The following FOXJ3 variants were observed in gnomAD, a reference collection of about 807,000 sequenced individuals.
FOXJ3 encodes the protein forkhead box J3.
Under a neutral mutation model 76.1 loss-of-function variants are expected in FOXJ3, and 22 were observed. The ratio of observed to expected loss-of-function variants is 0.29; its 90% CI spans 0.21 to 0.41. FOXJ3 has a LOEUF of 0.41. Among genes scored for constraint, FOXJ3 ranks in the 10% least tolerant of loss-of-function variants. The pLI is 1.00. For synonymous variants in FOXJ3, 269 were observed against 261.2 expected (o/e 1.03, Z -0.29); for missense variants, 613 against 762.1 (o/e 0.80, Z 2.30).
chr1:42,232,133 AT>A (rs897733124), intron 4 of FOXJ3, among the ~76,000 whole-genome samples: 3 of 152,068 alleles, frequency 2.0e-5, no homozygotes, highest in Non-Finnish European at 4.4e-5. Context: ...TGAACTCATC[AT>A]TTTTATGGCT....
Position 42,335,133 on chromosome 1 carries a change from T to G in FOXJ3, c.-92A>C, listed in dbSNP as rs1274741376. 1 of 150,710 alleles carries G rather than the reference T, an allele frequency of 6.6e-6. No individual in the cohort carries two copies. The highest frequency in any genetic ancestry group is 2.4e-5 in the African/African-American group (1 of 40,850). 9.3% of individuals were successfully genotyped at this position (150,710 alleles called of 1,614,324 possible). On this transcript the variant is annotated 5_prime_UTR_variant, in exon 1 of 13. Coordinates refer to ENST00000361346, the MANE Select transcript of FOXJ3 (RefSeq NM_014947.5). ...TGCGTCTCCGCCCCCCCGGGAAAGGTCCCAACGGTGCCTACTGCGAGCGGT... is the reference window on the plus strand; with the variant it reads ...TGCGTCTCCGCCCCCCCGGGAAAGGGCCCAACGGTGCCTACTGCGAGCGGT...
At chr1:42,200,264 T>C (rs1042661632) in intron 6 of FOXJ3, among the ~76,000 whole-genome samples, 2 of 152,158 alleles carry the variant, frequency 1.3e-5, no homozygotes, top group Non-Finnish European at 2.9e-5. Flanking sequence ...TCACTACTGA[T>C]TGGTTTTCCT....
intron 5 of FOXJ3, among the ~76,000 whole-genome samples, chr1:42,206,934 G>A (rs1243843316): frequency 2.0e-5 from 3 of 151,900 alleles, no homozygotes. Flanking sequence ...ATGCTCAAGC[G>A]ATTCTCTTGC....
At position 42,212,901 on chromosome 1, in the gene FOXJ3, C is replaced by T. The variant is rs78911108; in HGVS notation, c.529-7038G>A. On this transcript the variant is annotated intron_variant, in intron 5 of 12. Transcript: ENST00000361346. The stretch of plus-strand genomic sequence containing the variant: ...GAAACCTTACAAGCCAGAGGGCTTG[C>T]GGTCCTACCTTTACTCCTTAACATA... Among the ~76,000 whole-genome samples the T allele has an allele frequency of 9.2e-3, 1,258 of 137,164 alleles. 15 individuals are homozygous for T. Among genetic ancestry groups the T allele is most frequent in the African/African-American group, 0.032 (1,199 of 38,004 alleles). The allele number at this position is 137,164 out of a possible 152,430, so 90.0% of individuals were successfully genotyped here. A position where few individuals can be genotyped will look rare whatever the true frequency, so the allele number is the denominator to read the frequency against.
intron 2 of FOXJ3, among the ~76,000 whole-genome samples, chr1:42,295,673 T>C (rs905539996): frequency 6.6e-6 from 1 of 151,996 alleles, no homozygotes; most frequent in African/African-American, 2.4e-5. Context: ...GGATTACAGG[T>C]GTGCACCACC....
At chr1:42,231,395 A>T (rs957105081) in intron 4 of FOXJ3, among the ~76,000 whole-genome samples, 1 of 152,160 alleles carries the variant, frequency 6.6e-6, no homozygotes, top group African/African-American at 2.4e-5. Context: ...CAGAAGGACA[A>T]ATATTGTATG....
chr1:42,194,856 A>T, intron 8 of FOXJ3, 34 bp downstream of exon 8: 1 of 1,416,338 alleles, frequency 7.1e-7, no homozygotes, highest in Non-Finnish European at 9.6e-7. Flanking sequence ...TTCCAATAAA[A>T]CTTTGTTATA....
intron 8 of FOXJ3, among the ~76,000 whole-genome samples, chr1:42,192,352 T>C (rs969190624): frequency 9.2e-5 from 14 of 152,138 alleles, no homozygotes; most frequent in Admixed American, 2.6e-4. Flanking sequence ...TACAAGGACA[T>C]AGAATGTACT....
intron 12 of FOXJ3, among the ~76,000 whole-genome samples, chr1:42,180,464 C>CT: frequency 6.9e-6 from 1 of 144,204 alleles, no homozygotes; most frequent in South Asian, 2.1e-4. Flanking sequence ...TCTTGACAGA[C>CT]CCCCCCCTTC....
chr1:42,248,019 T>C lies in FOXJ3; in HGVS notation c.444+17096A>G, dbSNP rs138843124. 4.6e-3 allele frequency among the ~76,000 whole-genome samples: 695 copies of C among 152,322 alleles called. 5 individuals carry two copies. The highest frequency in any genetic ancestry group is 0.016 in the African/African-American group (661 of 41,560). On this transcript the variant is annotated intron_variant, in intron 4 of 12. Transcript: ENST00000361346. ...TCCAAAATGCCACATATAATTATTT[T>C]ATATGAATGTCCAAAATAGGTAACA...
intron 4 of FOXJ3, among the ~76,000 whole-genome samples, chr1:42,246,932 C>T (rs1021841301): frequency 6.6e-6 from 1 of 152,070 alleles, no homozygotes; most frequent in Non-Finnish European, 1.5e-5. Flanking sequence ...CACAGAAATA[C>T]AAATATCATA....
At chr1:42,325,979 G>A (rs1478248476) in intron 1 of FOXJ3, among the ~76,000 whole-genome samples, 2 of 152,200 alleles carry the variant, frequency 1.3e-5, no homozygotes, top group Admixed American at 1.3e-4. Context: ...CCCAAAATCA[G>A]GCTGGGCACT....
intron 4 of FOXJ3, among the ~76,000 whole-genome samples, chr1:42,256,041 G>T (rs1358317604): frequency 1.3e-5 from 2 of 152,076 alleles, no homozygotes; most frequent in Non-Finnish European, 2.9e-5. Flanking sequence ...AAATTAAGAA[G>T]AACATTTCAT....
At chr1:42,294,486 C>T (rs978782964) in intron 2 of FOXJ3, among the ~76,000 whole-genome samples, 1 of 152,024 alleles carries the variant, frequency 6.6e-6, no homozygotes, top group East Asian at 1.9e-4. Flanking sequence ...AGGCCAGGCG[C>T]GGTGGCTCAC....
At chr1:42,325,122 A>T (rs143417458) in intron 1 of FOXJ3, among the ~76,000 whole-genome samples, 16 of 152,310 alleles carry the variant, frequency 1.1e-4, no homozygotes, top group African/African-American at 3.8e-4. Context: ...AGTATAGAGG[A>T]TAAGAGTCAA....
chr1:42,181,289 C>T (rs879524888), intron 12 of FOXJ3, among the ~76,000 whole-genome samples: 2 of 152,210 alleles, frequency 1.3e-5, no homozygotes, highest in Admixed American at 6.5e-5. Context: ...CCAGCTCTAA[C>T]AATGTGCCGT....
intron 3 of FOXJ3, among the ~76,000 whole-genome samples, chr1:42,271,000 C>T (rs1367772679): frequency 6.6e-6 from 1 of 152,154 alleles, no homozygotes; most frequent in Admixed American, 6.6e-5. Context: ...TTCTACCCTA[C>T]CTAAAATGGT....
intron 2 of FOXJ3, among the ~76,000 whole-genome samples, chr1:42,290,187 G>A (rs1653329304): frequency 6.6e-6 from 1 of 152,042 alleles, no homozygotes; most frequent in Non-Finnish European, 1.5e-5. Flanking sequence ...AGAAAAATTA[G>A]AGGACTACAC....
intron 1 of FOXJ3, among the ~76,000 whole-genome samples, chr1:42,332,908 T>G (rs527416285): frequency 6.6e-6 from 1 of 152,212 alleles, no homozygotes. Context: ...AAGGAGAAGT[T>G]TGATGCAGTT....
Sources: allele counts gnomAD v4.1 joint callset (sites outside exome capture counted in the v4.1 genomes callset), GRCh38; gene constraint gnomAD v4.1.1; transcripts MANE v1.5; gene names NCBI Gene and HGNC (gene_info 2026-07-23, HGNC 2026-07-21).